Variants in RAB7A observed in about 807,000 individuals in gnomAD.
RAB7A encodes the protein RAB7A, member RAS oncogene family.
RAB7A carries 2 observed loss-of-function variants against 24.5 expected under a neutral mutation model. That is an observed-to-expected ratio of 0.08 (90% CI 0.03 to 0.26). The LOEUF (loss-of-function observed/expected upper bound fraction) is 0.26. Among genes scored for constraint, RAB7A ranks in the 10% least tolerant of loss-of-function variants. RAB7A has a pLI of 1.00. For synonymous variants in RAB7A, 100 were observed against 95.9 expected (o/e 1.04, Z -0.25); for missense variants, 118 against 255.7 (o/e 0.46, Z 3.67).
Position 128,728,061 on chromosome 3 carries a change from TATTC to T in RAB7A, c.-9+1710_-9+1713del, listed in dbSNP as rs535947956. ...TTTAGAGTAATGATAGGCACCTTTT[TATTC>T]ATTCATTAAGTATTTTGAGTATCCA... On this transcript the variant is annotated intron_variant, in intron 1 of 5. Transcript: ENST00000265062. Among the ~76,000 whole-genome samples, 468 of 152,342 alleles carry T rather than the reference TATTC, an allele frequency of 3.1e-3. 1 individual carries two copies. Among genetic ancestry groups the T allele is most frequent in the Non-Finnish European group, 5.8e-3 (397 of 68,022 alleles).
rs1301540270 is a variant in RAB7A at position 128,751,268 on chromosome 3, C to G, written c.-9+24909C>G. On this transcript the variant is annotated intron_variant, in intron 1 of 5. Coordinates refer to ENST00000265062, the MANE Select transcript of RAB7A (RefSeq NM_004637.6). ...TTCAGACCCCAGAATAGTAGATGCACCAACAGCTTGCACCATCCACTTGGA... is the reference window on the plus strand; with the variant it reads ...TTCAGACCCCAGAATAGTAGATGCAGCAACAGCTTGCACCATCCACTTGGA... Among the ~76,000 whole-genome samples the G allele has an allele frequency of 3.9e-5, 6 of 152,112 alleles. No individual in the cohort carries two copies. In the East Asian group the frequency reaches 5.8e-4, roughly 15 times the overall value.
chr3:128,811,572 G>A (rs1390885010), intron 5 of RAB7A, among the ~76,000 whole-genome samples: 1 of 152,192 alleles, frequency 6.6e-6, no homozygotes. Context: ...TGTCCAGCCC[G>A]GATGCAGTGG....
rs191637786 is a variant in RAB7A at position 128,776,462 on chromosome 3, T to A, written c.-8-18898T>A. Among the ~76,000 whole-genome samples, 200 of 152,184 alleles carry A rather than the reference T, an allele frequency of 1.3e-3. 1 individual carries two copies. Among genetic ancestry groups the A allele is most frequent in the Non-Finnish European group, 2.2e-3 (149 of 68,002 alleles). ...TACCACACCCAGCTACTGTATTAAT[T>A]TTTTTAGAGATGGGGTTTCACCATG... On this transcript the variant is annotated intron_variant, in intron 1 of 5. Transcript: ENST00000265062.
chr3:128,790,624 A>C (rs1933435586), intron 1 of RAB7A, among the ~76,000 whole-genome samples: 1 of 152,184 alleles, frequency 6.6e-6, no homozygotes, highest in Admixed American at 6.5e-5. Context: ...GGCTCTTACC[A>C]TTTAGTGAAT....
intron 1 of RAB7A, among the ~76,000 whole-genome samples, chr3:128,746,401 G>C (rs1345115080): frequency 6.6e-6 from 1 of 152,088 alleles, no homozygotes; most frequent in Non-Finnish European, 1.5e-5. Context: ...GCCTCTCAAT[G>C]AGCTGGGACA....
intron 4 of RAB7A, 119 bp from the exon 5 acceptor site, chr3:128,807,424 T>A: frequency 6.8e-7 from 1 of 1,463,430 alleles, no homozygotes; most frequent in Non-Finnish European, 9.5e-7. Flanking sequence ...TCTTTCCCCA[T>A]GTCTGTGTCC....
chr3:128,738,845 G>T (rs2070520215), intron 1 of RAB7A, among the ~76,000 whole-genome samples: 3 of 152,204 alleles, frequency 2.0e-5, no homozygotes, highest in Non-Finnish European at 4.4e-5. Context: ...AAAAATGCCT[G>T]TAAATTCTTC....
intron 1 of RAB7A, among the ~76,000 whole-genome samples, chr3:128,736,715 G>A (rs2070493120): frequency 6.6e-6 from 1 of 152,118 alleles, no homozygotes; most frequent in Admixed American, 6.6e-5. Flanking sequence ...GTTGAATACA[G>A]TTAAATTCCA....
intron 1 of RAB7A, among the ~76,000 whole-genome samples, chr3:128,787,992 G>A: frequency 6.6e-6 from 1 of 152,324 alleles, no homozygotes; most frequent in Admixed American, 6.5e-5. Flanking sequence ...GGGATTACAG[G>A]CATGAGCCAC....
intron 1 of RAB7A, among the ~76,000 whole-genome samples, chr3:128,764,061 CAGGA>C (rs2070802344): frequency 6.6e-6 from 1 of 152,094 alleles, no homozygotes; most frequent in Non-Finnish European, 1.5e-5. Context: ...CTGGGCCTGG[CAGGA>C]CTACAGAGGT....
intron 5 of RAB7A, among the ~76,000 whole-genome samples, chr3:128,810,549 C>A (rs1933901538): frequency 6.6e-6 from 1 of 152,202 alleles, no homozygotes; most frequent in African/African-American, 2.4e-5. Flanking sequence ...GGGCTATCTT[C>A]TCACTGTGTC....
Position 128,813,348 on chromosome 3 carries a change from A to G in RAB7A, c.550A>G (p.Asn184Asp). Residue 184 changes from asparagine to aspartate, a missense_variant, in exon 6 of 6, where the codon AAC (asparagine) becomes GAC (aspartate). Transcript: ENST00000265062. ...LKQETEVELY[N>D]EFPEPIKLDK... is the part of the protein sequence containing the mutation. ...CCAGGAAACGGAGGTGGAGCTGTAC[A>G]ACGAATTTCCTGAACCTATCAAACT... 1 of 1,614,172 alleles carries G rather than the reference A, an allele frequency of 6.2e-7. No homozygotes were observed. The highest frequency in any genetic ancestry group is 1.1e-5 in the South Asian group (1 of 91,080).
chr3:128,806,951 T>C (rs1933816991), intron 4 of RAB7A, among the ~76,000 whole-genome samples: 1 of 152,270 alleles, frequency 6.6e-6, no homozygotes, highest in South Asian at 2.1e-4. Flanking sequence ...CTTTGGGCTT[T>C]GAGTAAAATT....
chr3:128,779,419 AAAG>A (rs910398339), intron 1 of RAB7A, among the ~76,000 whole-genome samples: 7 of 152,080 alleles, frequency 4.6e-5, no homozygotes, highest in Non-Finnish European at 7.4e-5. Flanking sequence ...AAAAAAAAAA[AAAG>A]AGAGATTCAT....
chr3:128,812,070 T>TTAA (rs531246129), intron 5 of RAB7A, among the ~76,000 whole-genome samples: 47 of 152,266 alleles, frequency 3.1e-4, no homozygotes, highest in African/African-American at 1.0e-3. Context: ...ATTTTAAACT[T>TTAA]AATGTTGATG....
intron 5 of RAB7A, among the ~76,000 whole-genome samples, chr3:128,810,960 A>C (rs1382626810): frequency 1.3e-5 from 2 of 152,060 alleles, no homozygotes; most frequent in Non-Finnish European, 2.9e-5. Context: ...ATGCTGAGGC[A>C]GGAGAATTGC....
chr3:128,753,479 A>T (rs948476913), intron 1 of RAB7A, among the ~76,000 whole-genome samples: 9 of 152,306 alleles, frequency 5.9e-5, no homozygotes, highest in East Asian at 3.9e-4. Flanking sequence ...AAAATATTTT[A>T]AAAAATGAGG....
At chr3:128,748,507 A>G (rs2070643782) in intron 1 of RAB7A, 1 of 152,282 alleles carries the variant, frequency 6.6e-6, no homozygotes, top group African/African-American at 2.4e-5. Flanking sequence ...CAGGGGCTGC[A>G]CTCTCTTGAT....
Position 128,766,619 on chromosome 3 carries a change from A to G in RAB7A, c.-8-28741A>G, listed in dbSNP as rs1009227271. Among the ~76,000 whole-genome samples the G allele has an allele frequency of 3.3e-5, 5 of 152,282 alleles. No homozygotes were observed. The East Asian group carries it at 9.6e-4, about 29-fold the overall frequency. ...GCAGATCCCATAGGAATGGTCATAC[A>G]TTTTGGTTGGTTGGTTTGTTTGTTT... On this transcript the variant is annotated intron_variant, in intron 1 of 5. Coordinates refer to ENST00000265062, the MANE Select transcript of RAB7A (RefSeq NM_004637.6).
Sources: allele counts gnomAD v4.1 joint callset (sites outside exome capture counted in the v4.1 genomes callset), GRCh38; gene constraint gnomAD v4.1.1; transcripts MANE v1.5; gene names NCBI Gene and HGNC (gene_info 2026-07-23, HGNC 2026-07-21).